Variants in ANKRD11 observed in about 807,000 individuals in gnomAD.
ANKRD11 encodes the protein ankyrin repeat domain 11, also known as ankyrin repeat domain-containing protein 11.
Under a neutral mutation model 195.7 loss-of-function variants are expected in ANKRD11, and 17 were observed. The ratio of observed to expected loss-of-function variants is 0.09; its 90% CI spans 0.06 to 0.13. The LOEUF is 0.13. Ranked by LOEUF, ANKRD11 falls within the 10% of genes least tolerant of loss-of-function variation. The probability of loss-of-function intolerance (pLI) is 1.00; values close to 1 mark genes in which losing one functional copy is unlikely to be tolerated. For missense variants in ANKRD11, 3,735 were observed against 3,566.1 expected, an observed-to-expected ratio of 1.05 and a Z score of -1.21; for synonymous variants, 1,953 against 1,528.1, an observed-to-expected ratio of 1.28 and a Z score of -6.49.
At position 89,284,986 on chromosome 16, in the gene ANKRD11, G is replaced by A. The variant is rs1286707363; in HGVS notation, c.1556C>T (p.Ser519Phe). Residue 519 changes from serine to phenylalanine, a missense_variant, in exon 9 of 13, where the codon TCT becomes TTT. Ser to Phe is a radical substitution (Grantham distance 155). Transcript: ENST00000301030. ...LKDPSLFSSL[S>F]ASSTSSHGSS... ...CCCGTGAGACGAGGTGGAGGAGGCA[G>A]AGAGGGAGCTGAACAGGGAGGGGTC... is the stretch of plus-strand genomic sequence containing the variant. The A allele has an allele frequency of 6.2e-7, 1 of 1,614,116 alleles. No homozygotes were observed. The highest frequency in any genetic ancestry group is 8.5e-7 in the Non-Finnish European group (1 of 1,180,004).
intron 2 of ANKRD11, among the ~76,000 whole-genome samples, chr16:89,343,044 C>G (rs2170839): frequency 0.54 from 82,546 of 152,132 alleles, 22,873 homozygotes; most frequent in African/African-American, 0.66. Flanking sequence ...ATTTGAGACG[C>G]AGTCTTGCTG....
At chr16:89,478,631 C>T (rs942627984) in intron 1 of ANKRD11, among the ~76,000 whole-genome samples, 5 of 152,216 alleles carry the variant, frequency 3.3e-5, no homozygotes, top group Non-Finnish European at 7.3e-5. Flanking sequence ...GCGAAGCTGC[C>T]TGTACAGGCC....
intron 3 of ANKRD11, among the ~76,000 whole-genome samples, chr16:89,308,765 G>T (rs747095960): frequency 6.6e-6 from 1 of 152,222 alleles, no homozygotes; most frequent in Admixed American, 6.5e-5. Context: ...AACAATTCTA[G>T]AATACAAATG....
At chr16:89,489,914 C>CTTACGG (rs2057761386) in intron 1 of ANKRD11, among the ~76,000 whole-genome samples, 1 of 149,068 alleles carries the variant, frequency 6.7e-6, no homozygotes, top group South Asian at 2.1e-4. Context: ...CGCCCGGAGC[C>CTTACGG]CCCGTCCGCC....
At chr16:89,318,072 G>T (rs372483218) in intron 2 of ANKRD11, among the ~76,000 whole-genome samples, 1 of 152,200 alleles carries the variant, frequency 6.6e-6, no homozygotes, top group Non-Finnish European at 1.5e-5. Context: ...CAGGCAGTTG[G>T]GGGAGGCCTT....
At chr16:89,478,115 TTTTG>T (rs1418814110) in intron 1 of ANKRD11, among the ~76,000 whole-genome samples, 3 of 152,098 alleles carry the variant, frequency 2.0e-5, no homozygotes, top group East Asian at 1.9e-4. Flanking sequence ...TAAACTGAAA[TTTTG>T]TTTAACACTT....
chr16:89,286,533 C>T, intron 7 of ANKRD11: 1 of 606,476 alleles, frequency 1.6e-6, no homozygotes, highest in Non-Finnish European at 2.5e-6. Flanking sequence ...AGGCTCTCCC[C>T]TCCCGCCAAC....
Position 89,274,969 on chromosome 16 carries a change from G to A in ANKRD11, c.7570-12C>T. On this transcript the variant is annotated splice_polypyrimidine_tract_variant and intron_variant, in intron 10 of 12. Transcript: ENST00000301030. ...ACGATCAGCTTCTCCTGAAGGAGGA[G>A]AGGAGTAGAGTGAGCTGGGACACAG... 6.2e-7 allele frequency: 1 copy of A among 1,613,042 alleles called. No homozygotes were observed. The highest frequency in any genetic ancestry group is 8.5e-7 in the Non-Finnish European group (1 of 1,179,978).
chr16:89,396,980 G>A (rs902826950), intron 2 of ANKRD11, among the ~76,000 whole-genome samples: 1 of 152,088 alleles, frequency 6.6e-6, no homozygotes, highest in Admixed American at 6.5e-5. Context: ...ATGAGCCAGG[G>A]GACTTGACCA....
chr16:89,288,678 C>T lies in ANKRD11; in HGVS notation c.602-8G>A. ...CGTGCAGCGCCGTCCAGCCTGGAAA[C>T]AGACACTCAGGACGTACGTTATTTA... On this transcript the variant is annotated splice_region_variant and splice_polypyrimidine_tract_variant and intron_variant, in intron 6 of 12. Coordinates refer to ENST00000301030, the MANE Select transcript of ANKRD11 (RefSeq NM_013275.6). 1.9e-6 allele frequency: 3 copies of T among 1,614,034 alleles called. No individual in the cohort carries two copies. The highest frequency in any genetic ancestry group is 2.5e-6 in the Non-Finnish European group (3 of 1,180,044).
chr16:89,319,682 C>T (rs2037185477), intron 2 of ANKRD11, among the ~76,000 whole-genome samples: 1 of 152,258 alleles, frequency 6.6e-6, no homozygotes, highest in Non-Finnish European at 1.5e-5. Flanking sequence ...GCTGAGATGT[C>T]CTGCTGAAGC....
At chr16:89,428,073 T>C (rs2042795468) in intron 1 of ANKRD11, among the ~76,000 whole-genome samples, 2 of 150,894 alleles carry the variant, frequency 1.3e-5, no homozygotes, top group African/African-American at 4.9e-5. Context: ...CCAGACATGG[T>C]GGCGCGCGCC....
intron 2 of ANKRD11, among the ~76,000 whole-genome samples, chr16:89,408,776 T>C (rs1203453218): frequency 1.3e-5 from 2 of 152,158 alleles, no homozygotes; most frequent in African/African-American, 4.8e-5. Context: ...CAAACCCTAC[T>C]TCCTAAACAT....
chr16:89,479,943 A>C (rs2057388173), intron 1 of ANKRD11, among the ~76,000 whole-genome samples: 1 of 135,258 alleles, frequency 7.4e-6, no homozygotes, highest in South Asian at 2.3e-4. Flanking sequence ...ACTCCATCTC[A>C]AAAAAAAAAA....
intron 10 of ANKRD11, 63 bp from the exon 11 acceptor site, chr16:89,275,020 A>G: frequency 6.2e-7 from 1 of 1,612,978 alleles, no homozygotes; most frequent in South Asian, 1.1e-5. Context: ...CACTGTCAAC[A>G]CGACAGCCCC....
intron 2 of ANKRD11, among the ~76,000 whole-genome samples, chr16:89,352,668 CT>C (rs1193262333): frequency 6.6e-6 from 1 of 152,200 alleles, no homozygotes; most frequent in African/African-American, 2.4e-5. Context: ...CCAAAGTGTT[CT>C]GTGCCTGGCC....
chr16:89,416,246 G>T (rs1328986890), intron 2 of ANKRD11, among the ~76,000 whole-genome samples: 1 of 152,092 alleles, frequency 6.6e-6, no homozygotes, highest in African/African-American at 2.4e-5. Flanking sequence ...TGTCAGCAGA[G>T]TTGCTGATAG....
chr16:89,302,392 A>G (rs2035913445), intron 4 of ANKRD11, among the ~76,000 whole-genome samples: 1 of 152,206 alleles, frequency 6.6e-6, no homozygotes, highest in Non-Finnish European at 1.5e-5. Context: ...AGCTGGGATT[A>G]CAGGCACCCG....
intron 2 of ANKRD11, among the ~76,000 whole-genome samples, chr16:89,317,385 G>A (rs538057642): frequency 3.3e-4 from 51 of 152,324 alleles, no homozygotes; most frequent in Non-Finnish European, 6.3e-4. Context: ...GCAGCACCTG[G>A]ATCCTGGGTC....
Sources: allele counts gnomAD v4.1 joint callset (sites outside exome capture counted in the v4.1 genomes callset), GRCh38; gene constraint gnomAD v4.1.1; transcripts MANE v1.5; gene names NCBI Gene and HGNC (gene_info 2026-07-23, HGNC 2026-07-21).